The following USP2 variants were observed in gnomAD, a reference collection of about 807,000 sequenced individuals.
The protein encoded by USP2 is ubiquitin specific peptidase 2.
Under a neutral mutation model 72.0 loss-of-function variants are expected in USP2, and 33 were observed. The ratio of observed to expected loss-of-function variants is 0.46; its 90% confidence interval spans 0.35 to 0.61. USP2 has a LOEUF of 0.61. USP2 is among the 20% of genes least tolerant of loss of function. USP2 has a pLI of 0.01. For synonymous variants in USP2, 296 were observed against 312.5 expected, an observed-to-expected ratio of 0.95 and a Z score of 0.56; for missense variants, 691 against 797.8, an observed-to-expected ratio of 0.87 and a Z score of 1.61.
intron 2 of USP2, among the ~76,000 whole-genome samples, chr11:119,371,206 C>A (rs1167908588): frequency 6.6e-6 from 1 of 152,108 alleles, no homozygotes; most frequent in African/African-American, 2.4e-5. Context: ...GCACTGCTGA[C>A]CATGAAACAA....
At chr11:119,376,372 T>G (rs1164314426) in intron 1 of USP2, 5 of 985,504 alleles carry the variant, frequency 5.1e-6, no homozygotes, top group Non-Finnish European at 6.0e-6. Context: ...CAGCCTGAAC[T>G]GAATGGCCCT....
At chr11:119,357,051 G>A (rs1950669918) in intron 12 of USP2, 129 bp from the exon 13 acceptor site, 1 of 1,221,262 alleles carries the variant, frequency 8.2e-7, no homozygotes, top group Middle Eastern at 3.4e-4. Context: ...CGGCTTCGTG[G>A]CCTTAAACTT....
At chr11:119,379,896 C>T (rs1762003602) in intron 1 of USP2, among the ~76,000 whole-genome samples, 1 of 148,288 alleles carries the variant, frequency 6.7e-6, no homozygotes, top group Non-Finnish European at 1.5e-5. Context: ...GAGGGTTACT[C>T]CTGGGGAAGT....
chr11:119,380,383 A>G (rs1006708360), intron 1 of USP2, among the ~76,000 whole-genome samples: 2 of 151,982 alleles, frequency 1.3e-5, no homozygotes, highest in African/African-American at 2.4e-5. Context: ...GCCTAGAAAA[A>G]TACGGCAAGT....
intron 1 of USP2, chr11:119,378,899 C>T (rs1017313482): frequency 1.5e-5 from 13 of 845,962 alleles, no homozygotes; most frequent in Admixed American, 6.2e-5. Flanking sequence ...CCCTGACACC[C>T]ACCGGGCCCA....
Position 119,356,521 on chromosome 11 carries a change from A to T in USP2, c.*314T>A, listed in dbSNP as rs1198271029. The T allele has an allele frequency of 3.7e-6, 1 of 268,976 alleles. No individual in the cohort carries two copies. Among genetic ancestry groups the T allele is most frequent in the African/African-American group, 2.2e-5 (1 of 44,802 alleles). 16.7% of individuals were successfully genotyped at this position (268,976 alleles called of 1,614,324 possible). On this transcript the variant is annotated 3_prime_UTR_variant, in exon 13 of 13. Transcript: ENST00000260187. ...CGCTGCGGCGGGAAGCGGCGCAGCG[A>T]GGGTCTTCCCCCCCAAGACACAGTT...
At chr11:119,377,738 G>A (rs1047347271) in intron 1 of USP2, among the ~76,000 whole-genome samples, 1 of 152,126 alleles carries the variant, frequency 6.6e-6, no homozygotes, top group African/African-American at 2.4e-5. Flanking sequence ...GTCCCCGTGG[G>A]GCAGCCAACC....
chr11:119,366,755 TG>T (rs1950858197), intron 2 of USP2, among the ~76,000 whole-genome samples: 1 of 152,162 alleles, frequency 6.6e-6, no homozygotes, highest in African/African-American at 2.4e-5. Context: ...CTGCTGGGCT[TG>T]GGGGGACCTG....
At position 119,361,835 on chromosome 11, in the gene USP2, T is replaced by A. The variant is rs569682468; in HGVS notation, c.775-1601A>T. Among the ~76,000 whole-genome samples, 15 of 152,270 alleles carry A rather than the reference T, an allele frequency of 9.9e-5. No homozygotes were observed. The East Asian group carries it at 2.7e-3, about 27-fold the overall frequency. The stretch of plus-strand genomic sequence containing the variant: ...TGGGATATAAGCATCCTTAGAGAAC[T>A]TGGCTAGGGCTGGCAGTATATGGCC... On this transcript the variant is annotated intron_variant, in intron 2 of 12. Transcript: ENST00000260187.
chr11:119,370,894 G>C (rs1236809100), intron 2 of USP2, among the ~76,000 whole-genome samples: 1 of 152,208 alleles, frequency 6.6e-6, no homozygotes, highest in Non-Finnish European at 1.5e-5. Flanking sequence ...TGGAGAGTTG[G>C]AGGGCGGCAG....
At chr11:119,379,324 C>T (rs1236361061) in intron 1 of USP2, 1 of 960,526 alleles carries the variant, frequency 1.0e-6, no homozygotes, top group Non-Finnish European at 1.2e-6. Flanking sequence ...TGAAGGGGAA[C>T]AATCGGGAGA....
chr11:119,373,922 A>G (rs986542288), intron 1 of USP2, among the ~76,000 whole-genome samples: 1 of 152,202 alleles, frequency 6.6e-6, no homozygotes, highest in African/African-American at 2.4e-5. Flanking sequence ...TGGGTTGAGA[A>G]TGCTGGATAT....
At chr11:119,357,890 C>T in intron 9 of USP2, 55 bp from the exon 10 acceptor site, 1 of 1,613,168 alleles carries the variant, frequency 6.2e-7, no homozygotes, top group Non-Finnish European at 8.5e-7. Flanking sequence ...GGCCCCAATC[C>T]AGTCACTCCT....
intron 2 of USP2, among the ~76,000 whole-genome samples, chr11:119,371,994 G>A (rs967581689): frequency 2.6e-5 from 4 of 152,182 alleles, no homozygotes; most frequent in Non-Finnish European, 4.4e-5. Context: ...CCCAAGAGAG[G>A]CGTGTGCGGG....
At chr11:119,369,645 C>T (rs1950901709) in intron 2 of USP2, among the ~76,000 whole-genome samples, 1 of 152,092 alleles carries the variant, frequency 6.6e-6, no homozygotes, top group African/African-American at 2.4e-5. Context: ...CACATTCCTC[C>T]ACCTTCATTA....
At chr11:119,369,538 G>C (rs1741799601) in intron 2 of USP2, among the ~76,000 whole-genome samples, 1 of 151,978 alleles carries the variant, frequency 6.6e-6, no homozygotes, top group Non-Finnish European at 1.5e-5. Flanking sequence ...GTGGGGAGGG[G>C]GCTTCCTACT....
At chr11:119,377,575 C>G (rs1951017329) in intron 1 of USP2, among the ~76,000 whole-genome samples, 2 of 152,218 alleles carry the variant, frequency 1.3e-5, no homozygotes, top group African/African-American at 4.8e-5. Context: ...TGCCAAGCCC[C>G]TGCATGTCCC....
chr11:119,375,746 C>T (rs955784827), intron 1 of USP2, among the ~76,000 whole-genome samples: 8 of 152,216 alleles, frequency 5.3e-5, no homozygotes, highest in African/African-American at 1.9e-4. Flanking sequence ...CACAGCTCTC[C>T]CTCTCCCTCC....
At chr11:119,379,950 C>G (rs1186743437) in intron 1 of USP2, among the ~76,000 whole-genome samples, 5 of 132,656 alleles carry the variant, frequency 3.8e-5, no homozygotes, top group African/African-American at 1.5e-4. Flanking sequence ...ACGGAGTCTC[C>G]GTCGCCCAGG....
Sources: allele counts gnomAD v4.1 joint callset (sites outside exome capture counted in the v4.1 genomes callset), GRCh38; gene constraint gnomAD v4.1.1; transcripts MANE v1.5; gene names NCBI Gene and HGNC (gene_info 2026-07-23, HGNC 2026-07-21).